DSCAM: variants seen among roughly 807,000 people sequenced by gnomAD.
DSCAM encodes cell adhesion molecule DSCAM.
DSCAM carries 47 observed loss-of-function variants against 217.7 expected under a neutral mutation model. The observed-to-expected ratio is 0.22, with a 90% CI of 0.17 to 0.28. The LOEUF (loss-of-function observed/expected upper bound fraction) is 0.28, where lower values mean the gene tolerates loss of function less well. Ranked by LOEUF, DSCAM falls within the 10% of genes least tolerant of loss-of-function variation. The pLI is 1.00. For synonymous variants in DSCAM, 1,056 were observed against 1,015.3 expected, an observed-to-expected ratio of 1.04 and a Z score of -0.76; for missense variants, 2,080 against 2,618.3, an observed-to-expected ratio of 0.79 and a Z score of 4.49.
chr21:40,812,919 T>C (rs1486740034), intron 1 of DSCAM, among the ~76,000 whole-genome samples: 2 of 152,156 alleles, frequency 1.3e-5, no homozygotes, highest in Non-Finnish European at 2.9e-5. Context: ...GAAACTGCTG[T>C]GAGGATTGAA....
chr21:40,442,909 C>T (rs974142763), intron 3 of DSCAM, among the ~76,000 whole-genome samples: 14 of 152,088 alleles, frequency 9.2e-5, no homozygotes, highest in African/African-American at 3.1e-4. Context: ...TCTCTCTTCC[C>T]CGGTACATGT....
At chr21:40,510,544 C>T (rs1178842885) in intron 3 of DSCAM, among the ~76,000 whole-genome samples, 2 of 152,294 alleles carry the variant, frequency 1.3e-5, no homozygotes, top group South Asian at 2.1e-4. Flanking sequence ...AAGATTGACT[C>T]AGGAAGTCAA....
At chr21:40,451,639 T>C (rs2075720603) in intron 3 of DSCAM, among the ~76,000 whole-genome samples, 1 of 152,182 alleles carries the variant, frequency 6.6e-6, no homozygotes, top group Admixed American at 6.5e-5. Context: ...ACAATGATAG[T>C]AATTTAGCCG....
At chr21:40,381,886 A>G (rs756662187) in intron 3 of DSCAM, among the ~76,000 whole-genome samples, 32 of 152,232 alleles carry the variant, frequency 2.1e-4, no homozygotes, top group Non-Finnish European at 4.0e-4. Flanking sequence ...GTGGTGATAA[A>G]TATTCTGCAG....
chr21:40,528,363 A>C (rs1713038878), intron 3 of DSCAM, among the ~76,000 whole-genome samples: 2 of 152,216 alleles, frequency 1.3e-5, no homozygotes, highest in Non-Finnish European at 2.9e-5. Context: ...ATACTATATT[A>C]TACTCCATTA....
chr21:40,356,636 T>G (rs1472510272), intron 4 of DSCAM, among the ~76,000 whole-genome samples: 1 of 152,138 alleles, frequency 6.6e-6, no homozygotes, highest in Non-Finnish European at 1.5e-5. Context: ...AGGTAGGAGC[T>G]GCAGCAATCA....
At chr21:40,245,953 C>T (rs1020644001) in intron 11 of DSCAM, among the ~76,000 whole-genome samples, 5 of 152,108 alleles carry the variant, frequency 3.3e-5, no homozygotes, top group Non-Finnish European at 7.4e-5. Context: ...TCTGTTTTAG[C>T]CCTTTAAGGA....
chr21:40,267,492 T>C (rs1016564964), intron 11 of DSCAM, among the ~76,000 whole-genome samples: 6 of 152,178 alleles, frequency 3.9e-5, no homozygotes, highest in African/African-American at 1.4e-4. Context: ...CATTATCACA[T>C]ATATTAGATG....
Position 40,144,965 on chromosome 21 carries a change from C to A in DSCAM, c.3019-234G>T, listed in dbSNP as rs1457679262. 1.3e-5 allele frequency among the ~76,000 whole-genome samples: 2 copies of A among 152,132 alleles called. No homozygotes were observed. The highest frequency in any genetic ancestry group is 1.9e-4 in the East Asian group (1 of 5,174). On this transcript the variant is annotated intron_variant, in intron 16 of 32. Coordinates refer to ENST00000400454, the MANE Select transcript of DSCAM (RefSeq NM_001389.5). The surrounding 1 kb of genome is among the most constrained non-coding windows in gnomAD (Gnocchi z 4.8). Reference sequence around the variant, plus strand: ...TCCCAGCCCCTCTGAGCCACTGGACCGTCAATGGACACAGGAGGTCACCTG... The same window carrying A: ...TCCCAGCCCCTCTGAGCCACTGGACAGTCAATGGACACAGGAGGTCACCTG...
chr21:40,788,483 G>T (rs1265743503), intron 1 of DSCAM, among the ~76,000 whole-genome samples: 1 of 152,148 alleles, frequency 6.6e-6, no homozygotes, highest in Non-Finnish European at 1.5e-5. Flanking sequence ...CATAAGCATG[G>T]CCTCCTCAGT....
At chr21:40,178,590 C>A (rs904920652) in intron 15 of DSCAM, among the ~76,000 whole-genome samples, 1 of 152,168 alleles carries the variant, frequency 6.6e-6, no homozygotes, top group Non-Finnish European at 1.5e-5. Flanking sequence ...GAAACACACT[C>A]ACGGTTCTCC....
chr21:40,660,853 A>C (rs1429658979), intron 3 of DSCAM, among the ~76,000 whole-genome samples: 1 of 152,230 alleles, frequency 6.6e-6, no homozygotes, highest in Non-Finnish European at 1.5e-5. Context: ...TTAGTGAAAA[A>C]AGAAACATAC....
intron 11 of DSCAM, among the ~76,000 whole-genome samples, chr21:40,208,735 T>C (rs1479360670): frequency 1.3e-5 from 2 of 152,132 alleles, no homozygotes; most frequent in African/African-American, 4.8e-5. Context: ...CGTAGGGGGT[T>C]CCATTTAGCC....
chr21:40,025,666 T>G (rs988984631), intron 32 of DSCAM, among the ~76,000 whole-genome samples: 28 of 151,206 alleles, frequency 1.9e-4, no homozygotes, highest in African/African-American at 5.4e-4. Flanking sequence ...CGTAGAGGTG[T>G]TTGTAGTACT....
chr21:40,173,332 G>C (rs1045019641), intron 15 of DSCAM, among the ~76,000 whole-genome samples: 1 of 152,176 alleles, frequency 6.6e-6, no homozygotes, highest in Non-Finnish European at 1.5e-5. Flanking sequence ...GGTAAGGGAA[G>C]AGACGAAGAA....
rs554763917 is a variant in DSCAM, at chr21:40,517,059, G to GTA, written c.509-147816_509-147815dup. Among the ~76,000 whole-genome samples, 84 of 145,846 alleles carry GTA rather than the reference G, an allele frequency of 5.8e-4. 1 individual carries two copies. The South Asian group carries it at 0.014, about 25-fold the overall frequency. On this transcript the variant is annotated intron_variant, in intron 3 of 32. Coordinates refer to ENST00000400454, the MANE Select transcript of DSCAM (RefSeq NM_001389.5). ...TATATATATACCTTATATACTCTGT[G>GTA]TATATATATACATATGTTACATATA...
chr21:40,714,344 C>G (rs1408379585), intron 1 of DSCAM, among the ~76,000 whole-genome samples: 1 of 152,166 alleles, frequency 6.6e-6, no homozygotes, highest in Non-Finnish European at 1.5e-5. Flanking sequence ...ACATAAGACT[C>G]CAACCCATGA....
intron 3 of DSCAM, among the ~76,000 whole-genome samples, chr21:40,403,252 T>A (rs2075252843): frequency 6.6e-6 from 1 of 152,082 alleles, no homozygotes; most frequent in Non-Finnish European, 1.5e-5. Context: ...TAATGGAGAA[T>A]GTACATTTTA....
intron 3 of DSCAM, among the ~76,000 whole-genome samples, chr21:40,386,164 G>T (rs2075082929): frequency 6.6e-6 from 1 of 151,848 alleles, no homozygotes; most frequent in South Asian, 2.1e-4. Flanking sequence ...TTTTGCCTAG[G>T]CCCGCCTCAC....
Sources: gnomAD v4.1 joint callset for allele counts (sites outside exome capture counted in the v4.1 genomes callset) on GRCh38, gnomAD v4.1.1 for gene constraint, Gnocchi (gnomAD v3.1) non-coding constraint, MANE v1.5 for transcripts, NCBI Gene and HGNC (gene_info 2026-07-23, HGNC 2026-07-21) for gene names.